Variants in SH3BGRL2 observed in about 807,000 individuals in gnomAD.
SH3BGRL2 encodes SH3 domain binding glutamate rich protein like 2.
SH3BGRL2 carries 21 observed loss-of-function variants against 14.8 expected under a neutral mutation model. That is an observed-to-expected ratio of 1.42 (90% CI 1.01 to 2.05). The LOEUF (loss-of-function observed/expected upper bound fraction) is 2.05. SH3BGRL2 is among the 30% of genes most tolerant of loss of function. The pLI, the probability that SH3BGRL2 is intolerant of heterozygous loss-of-function variation, is 0.00. For missense variants in SH3BGRL2, 147 were observed against 130.8 expected (o/e 1.12, Z -0.61); for synonymous variants, 50 against 47.8 (o/e 1.05, Z -0.19).
chr6:79,577,380 G>T, the SH3BGRL2 span, among the ~76,000 whole-genome samples: 1 of 152,046 alleles, frequency 6.6e-6, no homozygotes, highest in Non-Finnish European at 1.5e-5. Context: ...AGTATAAAGG[G>T]TTAAAACCTT....
At chr6:79,677,138 T>TG (rs1769901318) in intron 2 of SH3BGRL2, among the ~76,000 whole-genome samples, 1 of 152,230 alleles carries the variant, frequency 6.6e-6, no homozygotes, top group Admixed American at 6.5e-5. Flanking sequence ...CTTGTTCATC[T>TG]CACCTGCTTC....
At chr6:79,675,522 A>C (rs2127733919) in intron 2 of SH3BGRL2, among the ~76,000 whole-genome samples, 1 of 152,134 alleles carries the variant, frequency 6.6e-6, no homozygotes, top group Non-Finnish European at 1.5e-5. Context: ...GTGTTCTTAT[A>C]TTATTTTTCC....
At chr6:79,648,657 T>C (rs985404500) in intron 1 of SH3BGRL2, among the ~76,000 whole-genome samples, 2 of 152,080 alleles carry the variant, frequency 1.3e-5, no homozygotes, top group African/African-American at 4.8e-5. Flanking sequence ...GTTCTGTTTA[T>C]CTTTTAATTC....
chr6:79,648,253 G>GGC (rs1236525202), intron 1 of SH3BGRL2, among the ~76,000 whole-genome samples: 9 of 8,256 alleles, frequency 1.1e-3, no homozygotes, highest in Non-Finnish European at 1.7e-3. Flanking sequence ...CTATTCTTTT[G>GGC]GCATATATAT....
At chr6:79,555,498 C>T in the SH3BGRL2 span, among the ~76,000 whole-genome samples, 60 of 152,102 alleles carry the variant, frequency 3.9e-4, no homozygotes, top group Admixed American at 2.6e-3. Context: ...TAAACTTGGA[C>T]GCATAAACTG....
At chr6:79,640,772 G>A (rs554462740) in intron 1 of SH3BGRL2, among the ~76,000 whole-genome samples, 1 of 152,040 alleles carries the variant, frequency 6.6e-6, no homozygotes, top group Admixed American at 6.6e-5. Flanking sequence ...AGGGCAGGGG[G>A]TTCTAACTAA....
At chr6:79,653,424 C>T (rs367681166) in intron 1 of SH3BGRL2, among the ~76,000 whole-genome samples, 39 of 152,150 alleles carry the variant, frequency 2.6e-4, no homozygotes, top group African/African-American at 8.7e-4. Context: ...CATAATTATT[C>T]GAAGGTATAA....
the SH3BGRL2 span, among the ~76,000 whole-genome samples, chr6:79,540,913 T>C: frequency 6.6e-6 from 1 of 152,118 alleles, no homozygotes; most frequent in African/African-American, 2.4e-5. Context: ...CTGAAAGTTA[T>C]TTTTGGAGTG....
the SH3BGRL2 span, among the ~76,000 whole-genome samples, chr6:79,597,359 TGGAA>T: frequency 2.3e-5 from 3 of 129,026 alleles, no homozygotes; most frequent in Non-Finnish European, 5.0e-5. Flanking sequence ...AGAGGAAGGA[TGGAA>T]GGAAGGGAGG....
At chr6:79,587,505 T>C in the SH3BGRL2 span, among the ~76,000 whole-genome samples, 3 of 152,352 alleles carry the variant, frequency 2.0e-5, no homozygotes, top group South Asian at 4.1e-4. Flanking sequence ...AAAAATGATA[T>C]GTTTTTAATG....
intron 1 of SH3BGRL2, among the ~76,000 whole-genome samples, chr6:79,641,540 G>C (rs959525079): frequency 3.9e-4 from 59 of 152,264 alleles, no homozygotes; most frequent in Middle Eastern, 3.4e-3. Context: ...ACTGATGAAA[G>C]GCATGACCTT....
chr6:79,600,096 C>T, the SH3BGRL2 span, among the ~76,000 whole-genome samples: 2 of 152,322 alleles, frequency 1.3e-5, no homozygotes, highest in East Asian at 3.9e-4. Context: ...CTCACTGCAA[C>T]CTTGGCACTA....
intron 1 of SH3BGRL2, among the ~76,000 whole-genome samples, chr6:79,657,843 T>C (rs528601051): frequency 6.6e-6 from 1 of 152,300 alleles, no homozygotes; most frequent in South Asian, 2.1e-4. Flanking sequence ...ATTTTTAAAT[T>C]ATACAAATAA....
intron 1 of SH3BGRL2, among the ~76,000 whole-genome samples, chr6:79,652,779 T>C (rs1769322294): frequency 6.6e-6 from 1 of 152,102 alleles, no homozygotes; most frequent in African/African-American, 2.4e-5. Flanking sequence ...TATAATCACA[T>C]CATGTAACAC....
chr6:79,553,595 A>G, the SH3BGRL2 span, among the ~76,000 whole-genome samples: 1 of 152,334 alleles, frequency 6.6e-6, no homozygotes, highest in Middle Eastern at 3.4e-3. Context: ...AACACCAAAG[A>G]GAGGCGACTT....
At chr6:79,678,099 G>A (rs1769920452) in intron 2 of SH3BGRL2, among the ~76,000 whole-genome samples, 1 of 151,818 alleles carries the variant, frequency 6.6e-6, no homozygotes. Flanking sequence ...CAGATGATTT[G>A]GATTTCTGTA....
At chr6:79,625,745 T>C in the SH3BGRL2 span, among the ~76,000 whole-genome samples, 1 of 152,188 alleles carries the variant, frequency 6.6e-6, no homozygotes. Flanking sequence ...CAAAAAGCAC[T>C]GTACATACAT....
At chr6:79,620,164 T>C in the SH3BGRL2 span, among the ~76,000 whole-genome samples, 22 of 152,298 alleles carry the variant, frequency 1.4e-4, no homozygotes, top group Middle Eastern at 0.014. Flanking sequence ...CCCTTTTTTT[T>C]CCCCTGGAAT....
the SH3BGRL2 span, among the ~76,000 whole-genome samples, chr6:79,570,931 G>A: frequency 6.6e-6 from 1 of 152,156 alleles, no homozygotes; most frequent in Admixed American, 6.6e-5. Flanking sequence ...ATAGAAAAGG[G>A]CCCTAGGTGG....
Sources: gnomAD v4.1 joint callset for allele counts (sites outside exome capture counted in the v4.1 genomes callset) on GRCh38, gnomAD v4.1.1 for gene constraint, MANE v1.5 for transcripts, NCBI Gene and HGNC (gene_info 2026-07-23, HGNC 2026-07-21) for gene names.